Variants in LRP1B observed in about 807,000 individuals in gnomAD.
The protein encoded by LRP1B is low-density lipoprotein receptor-related protein 1B.
LRP1B carries 217 observed loss-of-function variants against 556.6 expected under a neutral mutation model. The observed-to-expected ratio is 0.39, with a 90% CI of 0.35 to 0.44. The LOEUF (loss-of-function observed/expected upper bound fraction) is 0.44. Ranked by LOEUF, LRP1B falls within the 20% of genes least tolerant of loss-of-function variation. The pLI, the probability that LRP1B is intolerant of heterozygous loss-of-function variation, is 1.00. For synonymous variants in LRP1B, 2,047 were observed against 1,865.8 expected (o/e 1.10, Z -2.50); for missense variants, 5,053 against 5,620.8 (o/e 0.90, Z 3.23).
At chr2:140,931,125 TC>T (rs1222067877) in intron 20 of LRP1B, among the ~76,000 whole-genome samples, 53 of 152,216 alleles carry the variant, frequency 3.5e-4, no homozygotes, top group African/African-American at 1.3e-3. Context: ...TGGGATAAAC[TC>T]CCTAGGGGAT....
intron 84 of LRP1B, among the ~76,000 whole-genome samples, chr2:140,277,036 A>C (rs1023151479): frequency 2.0e-5 from 3 of 151,966 alleles, no homozygotes; most frequent in Non-Finnish European, 2.9e-5. Context: ...ATTAACTAAC[A>C]TTGAAAACCA....
chr2:141,294,744 A>AAC (rs918257800), intron 3 of LRP1B, among the ~76,000 whole-genome samples: 4 of 151,174 alleles, frequency 2.6e-5, no homozygotes, highest in African/African-American at 9.7e-5. Flanking sequence ...TGTCTCAAAA[A>AAC]AAAAAAAAAT....
chr2:141,683,713 T>C (rs1339976500), intron 2 of LRP1B, among the ~76,000 whole-genome samples: 1 of 152,128 alleles, frequency 6.6e-6, no homozygotes, highest in Non-Finnish European at 1.5e-5. Flanking sequence ...ATCTGTTAAA[T>C]TATCAGCTTG....
At chr2:141,328,021 T>A (rs184261238) in intron 3 of LRP1B, among the ~76,000 whole-genome samples, 7 of 152,164 alleles carry the variant, frequency 4.6e-5, no homozygotes, top group Admixed American at 2.6e-4. Flanking sequence ...GACTTCCAGA[T>A]AAGTAAGATA....
intron 2 of LRP1B, among the ~76,000 whole-genome samples, chr2:141,592,135 C>T (rs550608834): frequency 1.1e-4 from 16 of 152,270 alleles, no homozygotes; most frequent in Admixed American, 5.9e-4. Flanking sequence ...CTCCCAACCA[C>T]TCGTTGACTC....
chr2:141,930,301 C>T (rs1489666631), intron 1 of LRP1B, among the ~76,000 whole-genome samples: 1 of 151,920 alleles, frequency 6.6e-6, no homozygotes, highest in African/African-American at 2.4e-5. Flanking sequence ...TTATAATGAC[C>T]ATATTCCCCT....
chr2:140,600,766 G>GTTTTTTTTTTTTTTTTTT (rs1558996101), intron 42 of LRP1B, among the ~76,000 whole-genome samples: 1 of 46,174 alleles, frequency 2.2e-5, no homozygotes, highest in African/African-American at 8.2e-5. Context: ...TGTTCTTCGG[G>GTTTTTTTTTTTTTTTTTT]GTTTTTTTTT....
chr2:140,331,458 A>C (rs1680808517), intron 79 of LRP1B, among the ~76,000 whole-genome samples: 1 of 151,960 alleles, frequency 6.6e-6, no homozygotes, highest in Admixed American at 6.6e-5. Flanking sequence ...TCACTCCTTA[A>C]AATTATACAA....
At chr2:141,248,092 T>G (rs1178077659) in intron 4 of LRP1B, among the ~76,000 whole-genome samples, 1 of 152,056 alleles carries the variant, frequency 6.6e-6, no homozygotes, top group African/African-American at 2.4e-5. Context: ...CCTGTACCCC[T>G]TCATTCTATT....
At chr2:141,910,094 T>A (rs1699867504) in intron 1 of LRP1B, among the ~76,000 whole-genome samples, 1 of 141,170 alleles carries the variant, frequency 7.1e-6, no homozygotes, top group Admixed American at 7.5e-5. Context: ...TGAGCGTAGA[T>A]CACGCCACTG....
chr2:141,858,587 T>C (rs1698139335), intron 1 of LRP1B, among the ~76,000 whole-genome samples: 2 of 152,164 alleles, frequency 1.3e-5, no homozygotes, highest in African/African-American at 4.8e-5. Flanking sequence ...CTCAGAGAGC[T>C]TAGTGATAAG....
At chr2:141,096,742 C>T (rs1283078681) in intron 7 of LRP1B, among the ~76,000 whole-genome samples, 1 of 146,430 alleles carries the variant, frequency 6.8e-6, no homozygotes, top group East Asian at 2.0e-4. Context: ...GGTCAAGTAA[C>T]ATTTTAAATG....
chr2:140,595,442 G>A (rs1406212205), intron 43 of LRP1B, among the ~76,000 whole-genome samples: 1 of 151,844 alleles, frequency 6.6e-6, no homozygotes, highest in Admixed American at 6.6e-5. Flanking sequence ...TTCAGAACAA[G>A]GAAAGATTGA....
chr2:141,148,585 G>C (rs1482745286), intron 7 of LRP1B, among the ~76,000 whole-genome samples: 1 of 152,116 alleles, frequency 6.6e-6, no homozygotes, highest in Admixed American at 6.5e-5. Flanking sequence ...CCACATACCA[G>C]TTGAAGGAAT....
intron 66 of LRP1B, among the ~76,000 whole-genome samples, chr2:140,432,098 A>C (rs1473552822): frequency 6.6e-6 from 1 of 152,154 alleles, no homozygotes; most frequent in African/African-American, 2.4e-5. Context: ...ACCACAAAAG[A>C]AGTGAAAATG....
rs1696790589 is a variant in LRP1B at position 140,982,201 on chromosome 2, T to C, written c.2846A>G (p.Glu949Gly). Reference sequence around the variant, plus strand: ...ATCTGTCTGGTCACCACAGTCGTCTTCCCTGTCACACAGCCATGCTCTGGG... The same window carrying C: ...ATCTGTCTGGTCACCACAGTCGTCTCCCCTGTCACACAGCCATGCTCTGGG... ...CIPRAWLCDR[E>G]DDCGDQTDEM... Residue 949 changes from glutamate to glycine, a missense_variant, in exon 18 of 91, where the codon GAA becomes GGA. Coordinates refer to ENST00000389484, the MANE Select transcript of LRP1B (RefSeq NM_018557.3). The C allele has an allele frequency of 6.2e-7, 1 of 1,613,314 alleles. No homozygotes were observed. The highest frequency in any genetic ancestry group is 1.7e-5 in the Admixed American group (1 of 59,900).
intron 6 of LRP1B, 54 bp from the exon 7 acceptor site, chr2:141,188,637 AT>A: frequency 1.4e-6 from 2 of 1,480,120 alleles, no homozygotes; most frequent in South Asian, 2.3e-5. Context: ...TAGCATCATG[AT>A]CCAAAAATAA....
chr2:140,242,489 C>G (rs927511578), intron 87 of LRP1B, among the ~76,000 whole-genome samples: 3 of 151,106 alleles, frequency 2.0e-5, no homozygotes, highest in African/African-American at 7.3e-5. Flanking sequence ...TTGCTGTGCT[C>G]CAGACCCTGA....
intron 1 of LRP1B, among the ~76,000 whole-genome samples, chr2:142,051,442 TA>T (rs1704451649): frequency 6.7e-6 from 1 of 150,172 alleles, no homozygotes; most frequent in South Asian, 2.1e-4. Context: ...AAGTAACTAA[TA>T]GGGGCATAAT....
Sources: allele counts gnomAD v4.1 joint callset (sites outside exome capture counted in the v4.1 genomes callset), GRCh38; gene constraint gnomAD v4.1.1; transcripts MANE v1.5; gene names NCBI Gene and HGNC (gene_info 2026-07-23, HGNC 2026-07-21).